Variants in SCARA3 observed in about 807,000 individuals in gnomAD.
The protein encoded by SCARA3 is scavenger receptor class A member 3, also known as cellular stress response gene protein.
SCARA3 carries 39 observed loss-of-function variants against 47.0 expected under a neutral mutation model. The ratio of observed to expected loss-of-function variants is 0.83; its 90% confidence interval spans 0.64 to 1.08. The LOEUF (loss-of-function observed/expected upper bound fraction) is 1.08. Ranked by LOEUF, SCARA3 falls within the 50% of genes least tolerant of loss-of-function variation. The pLI is 0.00. For missense variants in SCARA3, 724 were observed against 792.3 expected, an observed-to-expected ratio of 0.91 and a Z score of 1.04; for synonymous variants, 356 against 334.1, an observed-to-expected ratio of 1.07 and a Z score of -0.71.
At chr8:27,720,661 CAGCT>C in the SCARA3 span, among the ~76,000 whole-genome samples, 5 of 149,774 alleles carry the variant, frequency 3.3e-5, no homozygotes, top group South Asian at 2.1e-4. Flanking sequence ...TCCATCCATC[CAGCT>C]ATCCATCCAT....
At chr8:27,643,575 C>G (rs1192139681) in intron 1 of SCARA3, among the ~76,000 whole-genome samples, 1 of 152,296 alleles carries the variant, frequency 6.6e-6, no homozygotes, top group East Asian at 1.9e-4. Context: ...GGCGGAAGGG[C>G]TCTAATGAAA....
intron 4 of SCARA3, among the ~76,000 whole-genome samples, chr8:27,657,157 C>T (rs1373489143): frequency 2.0e-5 from 3 of 152,176 alleles, no homozygotes; most frequent in Admixed American, 2.0e-4. Context: ...ATAGTCCATT[C>T]CCAAAATAGC....
At chr8:27,653,570 C>CGTGTGTGTGTGTGTGT (rs61545866) in intron 3 of SCARA3, among the ~76,000 whole-genome samples, 8,126 of 145,062 alleles carry the variant, frequency 0.056, 313 homozygotes, top group East Asian at 0.11. Flanking sequence ...ATTTGTAAAG[C>CGTGTGTGTGTGTGTGT]GTGTGTGTGT....
chr8:27,698,269 T>C, the SCARA3 span, among the ~76,000 whole-genome samples: 9 of 129,156 alleles, frequency 7.0e-5, no homozygotes, highest in African/African-American at 2.3e-4. Flanking sequence ...TTAAAATGCA[T>C]GGATTTTTTT....
chr8:27,682,296 A>G, the SCARA3 span, among the ~76,000 whole-genome samples: 1 of 152,184 alleles, frequency 6.6e-6, no homozygotes, highest in Non-Finnish European at 1.5e-5. Flanking sequence ...CAAGACCTAA[A>G]TATAAAAGTA....
At chr8:27,728,811 C>G in the SCARA3 span, among the ~76,000 whole-genome samples, 1 of 152,144 alleles carries the variant, frequency 6.6e-6, no homozygotes, top group Non-Finnish European at 1.5e-5. Flanking sequence ...ATTACTTGAG[C>G]CCGGGAGTTC....
chr8:27,729,577 G>C, the SCARA3 span, among the ~76,000 whole-genome samples: 4 of 152,156 alleles, frequency 2.6e-5, no homozygotes, highest in African/African-American at 9.7e-5. Context: ...GATTGCCTGA[G>C]CTCAGGAGTT....
At chr8:27,710,000 G>T in the SCARA3 span, among the ~76,000 whole-genome samples, 1 of 152,156 alleles carries the variant, frequency 6.6e-6, no homozygotes, top group African/African-American at 2.4e-5. Flanking sequence ...GGAGGCTAAG[G>T]GGGGCGGATC....
chr8:27,720,419 C>CT, the SCARA3 span, among the ~76,000 whole-genome samples: 2 of 152,158 alleles, frequency 1.3e-5, no homozygotes, highest in Non-Finnish European at 2.9e-5. Context: ...GACCCTACCA[C>CT]TTAAGCTTCA....
chr8:27,675,914 G>A (rs1292189967), downstream of SCARA3, among the ~76,000 whole-genome samples: 2 of 152,132 alleles, frequency 1.3e-5, no homozygotes, highest in Non-Finnish European at 2.9e-5. Flanking sequence ...GGTGGGGGAG[G>A]AACGTGTACT....
chr8:27,660,650 A>AGATAGATAGATAGATC (rs1801884605), intron 5 of SCARA3, among the ~76,000 whole-genome samples: 1 of 148,994 alleles, frequency 6.7e-6, no homozygotes, highest in Admixed American at 6.7e-5. Context: ...ATAGATAGAT[A>AGATAGATAGATAGATC]GATAGATCTA....
At chr8:27,730,033 A>C in the SCARA3 span, among the ~76,000 whole-genome samples, 1 of 152,080 alleles carries the variant, frequency 6.6e-6, no homozygotes, top group African/African-American at 2.4e-5. Context: ...AGAGGATCAA[A>C]GGGGCACTGG....
At position 27,659,319 on chromosome 8, in the gene SCARA3, C is replaced by T; in HGVS notation, c.1149C>T (p.Leu383=). ...TCAAGTACCTGGATGACGTGCGGCT[C>T]TCCTGCACGCTGGGCTTCCACACCC... ...SMLKYLDDVR[L]SCTLGFHTHA... Residue 383 remains leucine (L), a synonymous_variant, in exon 5 of 6, where the codon CTC becomes CTT. Coordinates refer to ENST00000301904, the MANE Select transcript of SCARA3 (RefSeq NM_016240.3). The T allele has an allele frequency of 1.2e-6, 2 of 1,614,152 alleles. No homozygotes were observed. The highest frequency in any genetic ancestry group is 1.1e-5 in the South Asian group (1 of 91,076).
the SCARA3 span, chr8:27,703,318 GGCA>G: frequency 6.6e-6 from 1 of 152,472 alleles, no homozygotes; most frequent in Non-Finnish European, 1.5e-5. Context: ...TCGTGCTGGG[GGCA>G]GCACTTGGGG....
chr8:27,732,333 C>T, the SCARA3 span, among the ~76,000 whole-genome samples: 1 of 152,128 alleles, frequency 6.6e-6, no homozygotes, highest in Non-Finnish European at 1.5e-5. Flanking sequence ...TTCCTCTGGC[C>T]GCCATTCCTT....
At chr8:27,715,824 T>TAGATGATAGATA in the SCARA3 span, among the ~76,000 whole-genome samples, 1 of 118,836 alleles carries the variant, frequency 8.4e-6, no homozygotes, top group Non-Finnish European at 1.8e-5. The surrounding 1 kb of genome is among the most constrained non-coding windows in gnomAD (Gnocchi z 4.2). Flanking sequence ...GATAGATAGA[T>TAGATGATAGATA]GATAGATAGA....
chr8:27,711,429 C>A, the SCARA3 span, among the ~76,000 whole-genome samples: 183 of 152,306 alleles, frequency 1.2e-3, no homozygotes, highest in Non-Finnish European at 1.7e-3. Flanking sequence ...CAAGTTAGTT[C>A]CTGAATTCCT....
rs775980309 is a variant in SCARA3, at chr8:27,671,307, C to A, written c.1777C>A (p.Leu593Ile). 2.8e-5 allele frequency: 40 copies of A among 1,431,464 alleles called. No individual in the cohort carries two copies. The highest frequency in any genetic ancestry group is 3.4e-5 in the Non-Finnish European group (37 of 1,092,204). The allele number at this position is 1,431,464 out of a possible 1,614,324, so 88.7% of individuals were successfully genotyped here. ...ACCAGGGATCCAGGGTCCCCCTGGTCTCCCGGGGCCTCCAGGTCCACCAGG... is the reference window on the plus strand; with the variant it reads ...ACCAGGGATCCAGGGTCCCCCTGGTATCCCGGGGCCTCCAGGTCCACCAGG... ...GEPGIQGPPGLPGPPGPPGSQ... is the reference protein window; with the variant it reads ...GEPGIQGPPGIPGPPGPPGSQ... The change falls in exon 6 of 6, where the codon CTC becomes ATC. Residue 593 changes from leucine (L) to isoleucine (I), a missense_variant. Transcript: ENST00000301904.
chr8:27,722,379 C>G, the SCARA3 span, among the ~76,000 whole-genome samples: 1 of 152,088 alleles, frequency 6.6e-6, no homozygotes. Flanking sequence ...ACAGAGAGCT[C>G]ATGGTTCATG....
Sources: gnomAD v4.1 joint callset for allele counts (sites outside exome capture counted in the v4.1 genomes callset) on GRCh38, gnomAD v4.1.1 for gene constraint, Gnocchi (gnomAD v3.1) non-coding constraint, MANE v1.5 for transcripts, NCBI Gene and HGNC (gene_info 2026-07-23, HGNC 2026-07-21) for gene names.